The following GALNTL6 variants were observed in gnomAD, a reference collection of about 807,000 sequenced individuals.
GALNTL6 encodes polypeptide N-acetylgalactosaminyltransferase-like 6.
Under a neutral mutation model 73.7 loss-of-function variants are expected in GALNTL6, and 46 were observed. That is an observed-to-expected ratio of 0.62 (90% CI 0.49 to 0.80). The LOEUF is 0.80. Ranked by LOEUF, GALNTL6 falls within the 30% of genes least tolerant of loss-of-function variation. GALNTL6 has a pLI of 0.00. For synonymous variants in GALNTL6, 259 were observed against 263.7 expected (o/e 0.98, Z 0.17); for missense variants, 604 against 755.0 (o/e 0.80, Z 2.34).
chr4:172,571,278 G>A (rs559341848), intron 5 of GALNTL6, among the ~76,000 whole-genome samples: 4 of 152,296 alleles, frequency 2.6e-5, no homozygotes, highest in African/African-American at 4.8e-5. Context: ...AACATTATTC[G>A]TGTATTAATG....
intron 2 of GALNTL6, among the ~76,000 whole-genome samples, chr4:172,024,686 A>G (rs1741501560): frequency 6.6e-6 from 1 of 151,958 alleles, no homozygotes; most frequent in South Asian, 2.1e-4. Flanking sequence ...TGTATAGTGA[A>G]CTATGATTAT....
intron 5 of GALNTL6, among the ~76,000 whole-genome samples, chr4:172,477,170 A>G (rs143807468): frequency 0.01 from 1,402 of 133,544 alleles, 21 homozygotes; most frequent in African/African-American, 0.035. Context: ...AAGAGACTTT[A>G]AAAGATACAT....
intron 2 of GALNTL6, chr4:171,816,494 G>C (rs1734527654): frequency 6.6e-6 from 1 of 151,934 alleles, no homozygotes. Context: ...AAAAGACATG[G>C]GGTGGCAAGA....
chr4:172,543,409 A>G (rs945865314), intron 5 of GALNTL6, among the ~76,000 whole-genome samples: 2 of 152,178 alleles, frequency 1.3e-5, no homozygotes, highest in African/African-American at 4.8e-5. Flanking sequence ...TTGGTGCCCA[A>G]CATTTTAGGC....
intron 2 of GALNTL6, among the ~76,000 whole-genome samples, chr4:171,929,822 G>A (rs1329104856): frequency 6.6e-6 from 1 of 152,172 alleles, no homozygotes; most frequent in Non-Finnish European, 1.5e-5. Flanking sequence ...CCAACACCCA[G>A]GCCAACAGCG....
intron 2 of GALNTL6, among the ~76,000 whole-genome samples, chr4:172,189,823 A>G (rs1253703278): frequency 1.3e-5 from 2 of 152,030 alleles, no homozygotes; most frequent in East Asian, 1.9e-4. Flanking sequence ...TGATAATAAT[A>G]ATGATGATAA....
chr4:172,484,883 A>C (rs1733616066), intron 5 of GALNTL6, among the ~76,000 whole-genome samples: 1 of 152,170 alleles, frequency 6.6e-6, no homozygotes, highest in Admixed American at 6.5e-5. Context: ...TTATGCTTTA[A>C]ATTTGTGTCA....
intron 2 of GALNTL6, among the ~76,000 whole-genome samples, chr4:172,220,711 A>G (rs2086551023): frequency 6.6e-6 from 1 of 151,860 alleles, no homozygotes; most frequent in East Asian, 1.9e-4. Flanking sequence ...TCTTTCAAAT[A>G]CAAAGTTTGG....
At chr4:172,540,862 C>T (rs544307650) in intron 5 of GALNTL6, among the ~76,000 whole-genome samples, 113 of 152,184 alleles carry the variant, frequency 7.4e-4, no homozygotes, top group Non-Finnish European at 9.9e-4. Context: ...TCATAGGAAG[C>T]GGACCAGCAG....
intron 5 of GALNTL6, among the ~76,000 whole-genome samples, chr4:172,441,966 A>G (rs1210357248): frequency 6.6e-6 from 1 of 152,144 alleles, no homozygotes; most frequent in Non-Finnish European, 1.5e-5. Flanking sequence ...TTCCAGTCAC[A>G]TTATCCAGCA....
chr4:172,812,184 CTTA>C (rs1741347898), intron 6 of GALNTL6, among the ~76,000 whole-genome samples: 1 of 152,134 alleles, frequency 6.6e-6, no homozygotes, highest in South Asian at 2.1e-4. Context: ...AAAGCCACTT[CTTA>C]TTATAACCAG....
chr4:172,982,368 C>A (rs1241415857), intron 10 of GALNTL6, among the ~76,000 whole-genome samples: 1 of 152,112 alleles, frequency 6.6e-6, no homozygotes, highest in Non-Finnish European at 1.5e-5. Flanking sequence ...GGAACTGTGC[C>A]CTTAACGTGA....
intron 4 of GALNTL6, among the ~76,000 whole-genome samples, chr4:172,343,699 T>C (rs903312378): frequency 6.6e-6 from 1 of 152,142 alleles, no homozygotes; most frequent in African/African-American, 2.4e-5. Context: ...TATTCTGTTT[T>C]GGAAAAACAG....
intron 10 of GALNTL6, among the ~76,000 whole-genome samples, chr4:172,981,330 G>A (rs993438991): frequency 6.6e-6 from 1 of 152,118 alleles, no homozygotes; most frequent in Non-Finnish European, 1.5e-5. Flanking sequence ...AGTGCACGAG[G>A]GTTCCAATTT....
intron 2 of GALNTL6, among the ~76,000 whole-genome samples, chr4:171,843,122 A>G (rs1363369681): frequency 6.6e-6 from 1 of 152,180 alleles, no homozygotes; most frequent in Non-Finnish European, 1.5e-5. Context: ...ATGGAATAAT[A>G]AAGAAATCTT....
intron 2 of GALNTL6, among the ~76,000 whole-genome samples, chr4:171,898,693 G>T (rs1179241858): frequency 2.0e-5 from 3 of 152,060 alleles, no homozygotes; most frequent in Non-Finnish European, 2.9e-5. Context: ...GGATCTGGGA[G>T]TTGGGATTGA....
chr4:172,104,899 C>T (rs1439106671), intron 2 of GALNTL6, among the ~76,000 whole-genome samples: 1 of 152,096 alleles, frequency 6.6e-6, no homozygotes, highest in Non-Finnish European at 1.5e-5. Flanking sequence ...GAAACTGTTT[C>T]TGGGAATACC....
intron 4 of GALNTL6, among the ~76,000 whole-genome samples, chr4:172,328,077 C>A (rs1741004337): frequency 6.6e-6 from 1 of 152,016 alleles, no homozygotes; most frequent in African/African-American, 2.4e-5. Context: ...TAAGGCAGGT[C>A]TGGTGGTAAT....
At chr4:172,954,549 C>G (rs1346305269) in intron 10 of GALNTL6, among the ~76,000 whole-genome samples, 1 of 152,160 alleles carries the variant, frequency 6.6e-6, no homozygotes, top group East Asian at 1.9e-4. Context: ...TCACTGCAGC[C>G]TCAAACTCTT....
Sources: gnomAD v4.1 joint callset for allele counts (sites outside exome capture counted in the v4.1 genomes callset) on GRCh38, gnomAD v4.1.1 for gene constraint, MANE v1.5 for transcripts, NCBI Gene and HGNC (gene_info 2026-07-23, HGNC 2026-07-21) for gene names.